The following PPM1E variants were observed in gnomAD, a reference collection of about 807,000 sequenced individuals.
PPM1E encodes protein phosphatase, Mg2+/Mn2+ dependent 1E, also known as protein phosphatase 1E.
A neutral mutation model predicts 65.9 loss-of-function variants in PPM1E; 20 were observed. The observed-to-expected ratio is 0.30, with a 90% CI of 0.21 to 0.44. PPM1E has a LOEUF of 0.44. Among genes scored for constraint, PPM1E ranks in the 20% least tolerant of loss-of-function variants. PPM1E has a pLI of 1.00. For synonymous variants in PPM1E, 352 were observed against 374.9 expected, an observed-to-expected ratio of 0.94 and a Z score of 0.70; for missense variants, 713 against 953.1, an observed-to-expected ratio of 0.75 and a Z score of 3.32.
At chr17:58,791,031 A>G (rs2050152558) in intron 1 of PPM1E, among the ~76,000 whole-genome samples, 1 of 151,968 alleles carries the variant, frequency 6.6e-6, no homozygotes, top group Non-Finnish European at 1.5e-5. Context: ...CTGGGACTAC[A>G]GGTGCCCGCC....
intron 3 of PPM1E, chr17:58,966,357 A>C (rs189072557): frequency 5.5e-6 from 2 of 364,294 alleles, no homozygotes; most frequent in Non-Finnish European, 1.1e-5. Context: ...TCTCTTAAAA[A>C]AAAAAAAGAA....
At chr17:58,845,340 A>G (rs953405188) in intron 1 of PPM1E, among the ~76,000 whole-genome samples, 2 of 150,996 alleles carry the variant, frequency 1.3e-5, no homozygotes, top group African/African-American at 4.9e-5. Context: ...GGTAAAATAC[A>G]CATAACGAAA....
intron 1 of PPM1E, among the ~76,000 whole-genome samples, chr17:58,931,827 C>T (rs2051903787): frequency 6.6e-6 from 1 of 152,148 alleles, no homozygotes; most frequent in African/African-American, 2.4e-5. Flanking sequence ...TCCCTGATGC[C>T]TGTACTGTGC....
intron 1 of PPM1E, among the ~76,000 whole-genome samples, chr17:58,893,765 A>G (rs2051377438): frequency 6.6e-6 from 1 of 152,050 alleles, no homozygotes; most frequent in South Asian, 2.1e-4. Context: ...CTGTGAACCT[A>G]AGACTGCTCT....
At chr17:58,871,134 A>C (rs2051064490) in intron 1 of PPM1E, among the ~76,000 whole-genome samples, 1 of 152,068 alleles carries the variant, frequency 6.6e-6, no homozygotes, top group Non-Finnish European at 1.5e-5. Flanking sequence ...TCCTGGTCTC[A>C]AGTGATCCTC....
intron 1 of PPM1E, among the ~76,000 whole-genome samples, chr17:58,820,772 A>T (rs1277319748): frequency 6.6e-6 from 1 of 152,178 alleles, no homozygotes; most frequent in African/African-American, 2.4e-5. Flanking sequence ...AAACAATTTA[A>T]AATAAATGTA....
In PPM1E at chr17:58,846,659, C is replaced by T. The variant is rs565756629; in HGVS notation, c.464+90198C>T. Among the ~76,000 whole-genome samples, 18 of 152,284 alleles carry T rather than the reference C, an allele frequency of 1.2e-4. No homozygotes were observed. In the South Asian group the frequency reaches 2.9e-3, roughly 25 times the overall value. On this transcript the variant is annotated intron_variant, in intron 1 of 6. Coordinates refer to ENST00000308249, the MANE Select transcript of PPM1E (RefSeq NM_014906.5). ...TGTATATGTGCCACGTTTTCTTAATCCAGTCTACCATTGATGGGCATTTGG... is the reference window on the plus strand; with the variant it reads ...TGTATATGTGCCACGTTTTCTTAATTCAGTCTACCATTGATGGGCATTTGG...
intron 1 of PPM1E, among the ~76,000 whole-genome samples, chr17:58,791,429 A>C (rs1212320674): frequency 1.3e-5 from 2 of 152,160 alleles, no homozygotes; most frequent in Non-Finnish European, 2.9e-5. Flanking sequence ...GAGAGCAGAT[A>C]CTGTCCTATT....
At chr17:58,959,471 C>CA in intron 2 of PPM1E, among the ~76,000 whole-genome samples, 1 of 151,648 alleles carries the variant, frequency 6.6e-6, no homozygotes, top group Non-Finnish European at 1.5e-5. Context: ...TGGTGGCGGG[C>CA]GCCTGTAGTC....
chr17:58,805,781 G>A (rs1424303538), intron 1 of PPM1E, among the ~76,000 whole-genome samples: 1 of 151,524 alleles, frequency 6.6e-6, no homozygotes, highest in African/African-American at 2.4e-5. Context: ...CAAGGATCTG[G>A]AAATACTGTT....
intron 1 of PPM1E, among the ~76,000 whole-genome samples, chr17:58,786,146 C>G (rs2050098504): frequency 1.3e-5 from 2 of 151,926 alleles, no homozygotes. Flanking sequence ...TCCCAAGTAG[C>G]TGGGACTACG....
At chr17:58,976,752 T>C (rs999331539) in intron 6 of PPM1E, among the ~76,000 whole-genome samples, 2 of 152,162 alleles carry the variant, frequency 1.3e-5, no homozygotes, top group Admixed American at 6.5e-5. Context: ...AGCCAGAACT[T>C]TGGCAGCATT....
chr17:58,909,887 TTTTCTTTCTTTC>T (rs753479819), intron 1 of PPM1E, among the ~76,000 whole-genome samples: 3 of 150,412 alleles, frequency 2.0e-5, no homozygotes, highest in Non-Finnish European at 4.4e-5. Context: ...TCTTAGTCAT[TTTTCTTTCTTTC>T]TTTCTTTCTT....
chr17:58,927,165 C>T (rs1407708056), intron 1 of PPM1E, among the ~76,000 whole-genome samples: 4 of 133,266 alleles, frequency 3.0e-5, no homozygotes, highest in Admixed American at 2.6e-4. Context: ...CTCGCTCTGT[C>T]GCCCAGGCTG....
At chr17:58,820,916 A>G (rs571208234) in intron 1 of PPM1E, among the ~76,000 whole-genome samples, 28 of 152,168 alleles carry the variant, frequency 1.8e-4, no homozygotes, top group Non-Finnish European at 2.9e-4. Context: ...TGAAGACTAA[A>G]TAGATACCAA....
intron 1 of PPM1E, among the ~76,000 whole-genome samples, chr17:58,820,444 A>C (rs1053079980): frequency 4.1e-4 from 63 of 152,200 alleles, no homozygotes; most frequent in African/African-American, 1.4e-3. Flanking sequence ...GAAGATAATA[A>C]TAATACATGT....
intron 1 of PPM1E, among the ~76,000 whole-genome samples, chr17:58,821,777 T>C (rs999030798): frequency 1.3e-5 from 2 of 152,204 alleles, no homozygotes; most frequent in African/African-American, 4.8e-5. Context: ...AGGGTTTTCC[T>C]GGGCTTTAGA....
intron 1 of PPM1E, among the ~76,000 whole-genome samples, chr17:58,880,853 C>T (rs1481747895): frequency 3.3e-5 from 5 of 152,008 alleles, no homozygotes; most frequent in Non-Finnish European, 5.9e-5. Context: ...GTCTCAAACT[C>T]CTGAGCTCAA....
chr17:58,930,272 CACACACACACACAG>C (rs1164932069), intron 1 of PPM1E, among the ~76,000 whole-genome samples: 2 of 150,282 alleles, frequency 1.3e-5, no homozygotes, highest in African/African-American at 2.4e-5. Flanking sequence ...CACACACACA[CACACACACACACAG>C]ACACACACAC....
Sources: allele counts gnomAD v4.1 joint callset (sites outside exome capture counted in the v4.1 genomes callset), GRCh38; gene constraint gnomAD v4.1.1; transcripts MANE v1.5; gene names NCBI Gene and HGNC (gene_info 2026-07-23, HGNC 2026-07-21).